Variants in SPATA24 observed in about 807,000 individuals in gnomAD.
SPATA24 encodes the protein spermatogenesis associated 24.
In SPATA24, 21 loss-of-function variants were observed where a neutral mutation model predicts 28.9. The observed-to-expected ratio is 0.73, with a 90% CI of 0.52 to 1.05. The LOEUF (loss-of-function observed/expected upper bound fraction) is 1.05. Among genes scored for constraint, SPATA24 ranks in the 50% least tolerant of loss-of-function variants. SPATA24 has a pLI of 0.00. For synonymous variants in SPATA24, 76 were observed against 89.9 expected, an observed-to-expected ratio of 0.85 and a Z score of 0.88; for missense variants, 215 against 242.9, an observed-to-expected ratio of 0.88 and a Z score of 0.76.
downstream of SPATA24, chr5:139,396,291 G>A (rs1174899618): frequency 1.2e-5 from 12 of 985,250 alleles, no homozygotes; most frequent in East Asian, 1.1e-4. Flanking sequence ...TGTGCAAATT[G>A]AGGTCCCTTC....
downstream of SPATA24, chr5:139,396,189 G>A (rs1758701933): frequency 1.0e-6 from 1 of 985,260 alleles, no homozygotes; most frequent in African/African-American, 1.7e-5. Flanking sequence ...TCCTCTGCCT[G>A]GGTGTGTCCC....
At chr5:139,398,780 T>C (rs1193747416) in intron 4 of SPATA24, among the ~76,000 whole-genome samples, 1 of 141,654 alleles carries the variant, frequency 7.1e-6, no homozygotes, top group African/African-American at 2.9e-5. Context: ...TCCCAGCACT[T>C]TGGGAGGCCA....
At chr5:139,396,620 G>T, downstream of SPATA24, 1 of 1,455,258 alleles carries the variant, frequency 6.9e-7, no homozygotes, top group Non-Finnish European at 9.0e-7. Context: ...AAAGGAAGCG[G>T]TGGTGCCTAC....
downstream of SPATA24, chr5:139,393,673 C>T: frequency 6.4e-7 from 1 of 1,550,856 alleles, no homozygotes; most frequent in Non-Finnish European, 8.7e-7. Flanking sequence ...GAGGGACGGG[C>T]TCCTTTCCCC....
chr5:139,402,948 G>A (rs1328179405), intron 1 of SPATA24, among the ~76,000 whole-genome samples: 1 of 152,200 alleles, frequency 6.6e-6, no homozygotes, highest in East Asian at 1.9e-4. Flanking sequence ...TTGATGGGGA[G>A]ACATAAGGGG....
downstream of SPATA24, chr5:139,395,104 T>A (rs1215681182): frequency 3.6e-6 from 5 of 1,387,068 alleles, no homozygotes; most frequent in African/African-American, 3.1e-5. Flanking sequence ...CGCCGTGCAC[T>A]ATCTCCCTCG....
At position 139,397,332 on chromosome 5, in the gene SPATA24, G is replaced by T. The variant is rs189339960; in HGVS notation, c.386-189C>A. On this transcript the variant is annotated intron_variant, in intron 4 of 5. Coordinates refer to ENST00000450845, the MANE Select transcript of SPATA24 (RefSeq NM_194296.2). ...TGGGGGAGTGCAGTGTTTGAGGATT[G>T]TTGTCAATGACTTCACAAGTCTATT... Among the ~76,000 whole-genome samples, 34 of 152,270 alleles carry T rather than the reference G, an allele frequency of 2.2e-4. No individual in the cohort carries two copies. The South Asian group carries it at 6.0e-3, about 27-fold the overall frequency.
intron 4 of SPATA24, chr5:139,401,425 G>A (rs1169519224): frequency 8.3e-6 from 5 of 604,702 alleles, no homozygotes; most frequent in African/African-American, 7.4e-5. Context: ...GACAGTGCTT[G>A]CCCTGTGTTC....
chr5:139,395,807 C>A (rs1333935858), downstream of SPATA24: 1 of 152,280 alleles, frequency 6.6e-6, no homozygotes, highest in Admixed American at 6.5e-5. Context: ...CAGTCTGCCT[C>A]AGCACCTAGA....
At chr5:139,392,532 C>A, downstream of SPATA24, 1 of 1,351,394 alleles carries the variant, frequency 7.4e-7, no homozygotes, top group Non-Finnish European at 9.5e-7. This position sits in a 1 kb window ranked among gnomAD's most constrained non-coding sequence, Gnocchi z 5.8. Context: ...CAGCGCGGGG[C>A]TGGGCTGGGG....
In SPATA24 at chr5:139,396,829, G is replaced by A. The variant is rs963364133; in HGVS notation, c.589C>T (p.Arg197Cys). Residue 197 changes from arginine (R) to cysteine (C), a missense_variant, in exon 6 of 6, where the codon CGC becomes TGC. Physicochemically the swap from Arg to Cys is radical, Grantham distance 180. Transcript: ENST00000450845. ...HKKASGTRQA[R>C]SHQHPREK ...TTTTCCCTGGGATGCTGGTGGCTGCGGGCCTGACGTGTCCCTGAGGCTTTC... is the reference window on the plus strand; with the variant it reads ...TTTTCCCTGGGATGCTGGTGGCTGCAGGCCTGACGTGTCCCTGAGGCTTTC... The A allele has an allele frequency of 3.9e-5, 61 of 1,551,600 alleles. No individual in the cohort carries two copies. Among genetic ancestry groups the A allele is most frequent in the Non-Finnish European group, 4.8e-5 (55 of 1,147,010 alleles).
intron 1 of SPATA24, 62 bp downstream of exon 1, chr5:139,403,882 G>A: frequency 7.2e-7 from 1 of 1,391,094 alleles, no homozygotes; most frequent in Non-Finnish European, 1.0e-6. Context: ...ACAGGTTCTG[G>A]CCCCGCCCCC....
chr5:139,402,718 G>A (rs997987988), intron 1 of SPATA24, 25 bp from the exon 2 acceptor site: 13 of 1,549,336 alleles, frequency 8.4e-6, no homozygotes, highest in African/African-American at 8.2e-5. Context: ...GGCTGAGGGA[G>A]GGCCTGGGGC....
downstream of SPATA24, chr5:139,393,270 C>T: frequency 6.5e-7 from 1 of 1,549,808 alleles, no homozygotes; most frequent in Non-Finnish European, 8.7e-7. Flanking sequence ...CCAAGACTTC[C>T]GGGCACTTAT....
downstream of SPATA24, chr5:139,395,154 C>T: frequency 7.5e-7 from 1 of 1,337,614 alleles, no homozygotes; most frequent in Non-Finnish European, 9.6e-7. Context: ...GTCCCCGCCC[C>T]GCCCGAGGAT....
chr5:139,392,849 G>T, downstream of SPATA24: 1 of 1,540,442 alleles, frequency 6.5e-7, no homozygotes. This position sits in a 1 kb window ranked among gnomAD's most constrained non-coding sequence, Gnocchi z 5.8. Flanking sequence ...GTTACCTCGG[G>T]CCGGCGACCC....
At chr5:139,394,545 A>G (rs771610333), downstream of SPATA24, 5 of 1,495,004 alleles carry the variant, frequency 3.3e-6, no homozygotes, top group African/African-American at 5.7e-5. Flanking sequence ...GGGCGGCAGG[A>G]CTTGGCCCAC....
chr5:139,394,451 C>T (rs919395125), downstream of SPATA24: 8 of 1,397,646 alleles, frequency 5.7e-6, no homozygotes, highest in Non-Finnish European at 7.4e-6. Flanking sequence ...GGGCGCAGCT[C>T]GATCTGACGC....
Sources: gnomAD v4.1 joint callset for allele counts (sites outside exome capture counted in the v4.1 genomes callset) on GRCh38, gnomAD v4.1.1 for gene constraint, Gnocchi (gnomAD v3.1) non-coding constraint, MANE v1.5 for transcripts, NCBI Gene and HGNC (gene_info 2026-07-23, HGNC 2026-07-21) for gene names.